The following ATF7IP2 variants were observed in gnomAD, a reference collection of about 807,000 sequenced individuals.
ATF7IP2 encodes the protein activating transcription factor 7 interacting protein 2.
Under a neutral mutation model 64.2 loss-of-function variants are expected in ATF7IP2, and 42 were observed. That is an observed-to-expected ratio of 0.65 (90% confidence interval 0.51 to 0.85). The LOEUF (loss-of-function observed/expected upper bound fraction) is 0.85, where lower values mean the gene tolerates loss of function less well. ATF7IP2 is among the 40% of genes least tolerant of loss of function. The pLI is 0.00. For synonymous variants in ATF7IP2, 308 were observed against 272.8 expected (o/e 1.13, Z -1.27); for missense variants, 933 against 784.2 (o/e 1.19, Z -2.27).
chr16:10,386,919 C>T (rs1250270734), intron 1 of ATF7IP2: 1 of 152,082 alleles, frequency 6.6e-6, no homozygotes, highest in Non-Finnish European at 1.5e-5. Flanking sequence ...TCTACCTTTC[C>T]GTGTTTCTGT....
At chr16:10,439,654 T>G (rs2048545365) in intron 7 of ATF7IP2, among the ~76,000 whole-genome samples, 1 of 146,488 alleles carries the variant, frequency 6.8e-6, no homozygotes, top group Non-Finnish European at 1.5e-5. Context: ...TGCCTCAGCC[T>G]CCCGAGTAGC....
intron 1 of ATF7IP2, among the ~76,000 whole-genome samples, chr16:10,407,887 G>C (rs1567431783): frequency 6.6e-6 from 1 of 151,192 alleles, no homozygotes; most frequent in Non-Finnish European, 1.5e-5. Flanking sequence ...GCAATGTTTG[G>C]TTTTCTACTC....
chr16:10,474,688 TA>T (rs1567177598), intron 12 of ATF7IP2, among the ~76,000 whole-genome samples: 1 of 152,118 alleles, frequency 6.6e-6, no homozygotes. Context: ...CCAAGGTGTT[TA>T]AAAAACTCCA....
chr16:10,415,097 T>A (rs1324298838), intron 2 of ATF7IP2, among the ~76,000 whole-genome samples: 1 of 152,186 alleles, frequency 6.6e-6, no homozygotes, highest in African/African-American at 2.4e-5. Context: ...AAAGCATCGA[T>A]GACATTCTTC....
rs1476575065 is a variant in ATF7IP2, at chr16:10,412,010, G to GGTTTTTTTTTTTTTTTTT, written c.-241-2564_-241-2563insGTTTTTTTTTTTTTTTTT. Among the ~76,000 whole-genome samples the GGTTTTTTTTTTTTTTTTT allele has an allele frequency of 3.9e-4, 23 of 58,398 alleles. 5 individuals are homozygous for GGTTTTTTTTTTTTTTTTT. Among genetic ancestry groups the GGTTTTTTTTTTTTTTTTT allele is most frequent in the African/African-American group, 1.1e-3 (18 of 16,356 alleles). 38.3% of individuals were successfully genotyped at this position (58,398 alleles called of 152,430 possible). A position where few individuals can be genotyped will look rare whatever the true frequency, so the allele number is the denominator to read the frequency against. On this transcript the variant is annotated intron_variant, in intron 1 of 13. Coordinates refer to ENST00000562102, the MANE Select transcript of ATF7IP2 (RefSeq NM_001393719.1). ...CTTTTTGTTTCATTTATCTTTTTTT[G>GGTTTTTTTTTTTTTTTTT]TTTTTTTTTTTTTTTTTTTTTTTTT...
At chr16:10,475,462 C>T (rs553368922) in intron 12 of ATF7IP2, among the ~76,000 whole-genome samples, 7 of 151,960 alleles carry the variant, frequency 4.6e-5, no homozygotes, top group Non-Finnish European at 7.4e-5. Flanking sequence ...GAGGCCGAGA[C>T]GGGCAGATCA....
At chr16:10,460,560 G>A (rs1016259705) in intron 9 of ATF7IP2, among the ~76,000 whole-genome samples, 1 of 152,148 alleles carries the variant, frequency 6.6e-6, no homozygotes, top group African/African-American at 2.4e-5. Flanking sequence ...ATGTATGTAT[G>A]TATATGTGAT....
intron 8 of ATF7IP2, among the ~76,000 whole-genome samples, chr16:10,452,113 A>G (rs1470830623): frequency 1.3e-5 from 2 of 151,850 alleles, no homozygotes; most frequent in African/African-American, 4.8e-5. Flanking sequence ...TCTGAAGCCT[A>G]CTTCTGTCAA....
intron 3 of ATF7IP2, among the ~76,000 whole-genome samples, chr16:10,425,453 A>G (rs2048066639): frequency 6.6e-6 from 1 of 152,128 alleles, no homozygotes; most frequent in African/African-American, 2.4e-5. Flanking sequence ...ACACCTTAAT[A>G]TTAAATAATA....
chr16:10,441,412 T>A (rs1247506145), intron 8 of ATF7IP2, among the ~76,000 whole-genome samples: 1 of 152,158 alleles, frequency 6.6e-6, no homozygotes, highest in Non-Finnish European at 1.5e-5. Context: ...CTCTCCAGCA[T>A]CTGTTGTTTC....
At chr16:10,403,615 C>T (rs1022423236) in intron 1 of ATF7IP2, among the ~76,000 whole-genome samples, 5 of 152,036 alleles carry the variant, frequency 3.3e-5, no homozygotes, top group African/African-American at 1.2e-4. Context: ...CAGATTCTAA[C>T]CAAAAATGAT....
At chr16:10,456,227 A>G (rs963004317) in intron 8 of ATF7IP2, among the ~76,000 whole-genome samples, 2 of 152,212 alleles carry the variant, frequency 1.3e-5, no homozygotes, top group African/African-American at 2.4e-5. Flanking sequence ...AGAAGAAACA[A>G]ACTGTTTAGC....
At chr16:10,408,142 C>A (rs1220603148) in intron 1 of ATF7IP2, among the ~76,000 whole-genome samples, 2 of 152,052 alleles carry the variant, frequency 1.3e-5, no homozygotes, top group East Asian at 3.9e-4. Context: ...GATTTCCTGA[C>A]CTCGCGATCC....
At chr16:10,455,962 T>G (rs1011424841) in intron 8 of ATF7IP2, among the ~76,000 whole-genome samples, 2 of 152,214 alleles carry the variant, frequency 1.3e-5, no homozygotes, top group African/African-American at 2.4e-5. Flanking sequence ...GGATTTTGTT[T>G]GACTTATGAG....
At chr16:10,418,287 A>G (rs2047918988) in intron 2 of ATF7IP2, among the ~76,000 whole-genome samples, 2 of 152,216 alleles carry the variant, frequency 1.3e-5, no homozygotes, top group Admixed American at 6.5e-5. Flanking sequence ...CCTTGCCCTC[A>G]TTCTGGTAAA....
Position 10,430,684 on chromosome 16 carries a change from T to C in ATF7IP2, c.64T>C (p.Cys22Arg). 2 of 1,614,082 alleles carry C rather than the reference T, an allele frequency of 1.2e-6. No individual in the cohort carries two copies. The highest frequency in any genetic ancestry group is 1.7e-6 in the Non-Finnish European group (2 of 1,180,018). The change falls in exon 5 of 14, where the codon TGC (cysteine) becomes CGC (arginine). Residue 22 changes from cysteine to arginine, a missense_variant. Transcript: ENST00000562102. Reference protein sequence around the residue: ...LKAKKTMPLSCRKQVEMLNKS... With the variant: ...LKAKKTMPLSRRKQVEMLNKS... ...AGCCAAAAAGACAATGCCCCTAAGTTGCCGGAAGCAAGTAGAGATGCTGAA... is the reference window on the plus strand; with the variant it reads ...AGCCAAAAAGACAATGCCCCTAAGTCGCCGGAAGCAAGTAGAGATGCTGAA...
chr16:10,455,909 G>C (rs780459827), intron 8 of ATF7IP2, among the ~76,000 whole-genome samples: 5 of 152,152 alleles, frequency 3.3e-5, no homozygotes, highest in African/African-American at 7.2e-5. Context: ...TAGTTGCATT[G>C]TATCCTACAT....
chr16:10,416,403 T>G (rs1195292256), intron 2 of ATF7IP2, among the ~76,000 whole-genome samples: 2 of 152,048 alleles, frequency 1.3e-5, no homozygotes, highest in Non-Finnish European at 2.9e-5. Context: ...ATTAAAACAT[T>G]TGAATTTGTG....
intron 12 of ATF7IP2, among the ~76,000 whole-genome samples, chr16:10,477,349 G>A (rs2050047883): frequency 6.6e-6 from 1 of 152,184 alleles, no homozygotes. Context: ...TGATCATGGT[G>A]GATAAGCTTT....
Sources: gnomAD v4.1 joint callset for allele counts (sites outside exome capture counted in the v4.1 genomes callset) on GRCh38, gnomAD v4.1.1 for gene constraint, MANE v1.5 for transcripts, NCBI Gene and HGNC (gene_info 2026-07-23, HGNC 2026-07-21) for gene names.